USP37: variants seen among roughly 807,000 people sequenced by gnomAD.
The protein encoded by USP37 is ubiquitin specific peptidase 37, also known as ubiquitin carboxyl-terminal hydrolase 37.
A neutral mutation model predicts 124.0 loss-of-function variants in USP37; 27 were observed. The observed-to-expected ratio is 0.22, with a 90% CI of 0.16 to 0.30. The LOEUF (loss-of-function observed/expected upper bound fraction) is 0.30, where lower values mean the gene tolerates loss of function less well. Among genes scored for constraint, USP37 ranks in the 10% least tolerant of loss-of-function variants. The pLI is 1.00. For synonymous variants in USP37, 365 were observed against 388.0 expected (o/e 0.94, Z 0.70); for missense variants, 889 against 1,140.4 (o/e 0.78, Z 3.17).
Position 218,468,652 on chromosome 2 carries a change from T to C in USP37, c.2300-2476A>G, listed in dbSNP as rs80009116. On this transcript the variant is annotated intron_variant, in intron 20 of 25. Coordinates refer to ENST00000258399, the MANE Select transcript of USP37 (RefSeq NM_020935.3). The stretch of plus-strand genomic sequence containing the variant: ...TATACTCATGCTATACATACTGTTA[T>C]TGAGTTTGTATACGCTCTTTACCTG... Among the ~76,000 whole-genome samples, 542 of 152,312 alleles carry C rather than the reference T, an allele frequency of 3.6e-3. 1 individual carries two copies. The highest frequency in any genetic ancestry group is 0.01 in the South Asian group (49 of 4,832).
chr2:218,491,995 T>TGTC (rs1688808157), intron 14 of USP37, among the ~76,000 whole-genome samples: 1 of 152,060 alleles, frequency 6.6e-6, no homozygotes, highest in Non-Finnish European at 1.5e-5. Context: ...AGCCCACAAG[T>TGTC]GTCAGACCAG....
chr2:218,544,303 T>G (rs1472950939), intron 8 of USP37, among the ~76,000 whole-genome samples: 3 of 147,896 alleles, frequency 2.0e-5, no homozygotes, highest in Non-Finnish European at 4.4e-5. Context: ...CAACCTTGCT[T>G]GAACCTGGGA....
At chr2:218,561,155 T>C (rs1480709911) in intron 2 of USP37, among the ~76,000 whole-genome samples, 1 of 152,198 alleles carries the variant, frequency 6.6e-6, no homozygotes, top group Non-Finnish European at 1.5e-5. Flanking sequence ...TGTATATCTG[T>C]AATACTTTTT....
chr2:218,467,497 C>T (rs542344964), intron 20 of USP37, among the ~76,000 whole-genome samples: 3 of 152,198 alleles, frequency 2.0e-5, no homozygotes, highest in South Asian at 4.1e-4. Flanking sequence ...TACAGGTGCA[C>T]GCCACCACGC....
intron 8 of USP37, among the ~76,000 whole-genome samples, chr2:218,537,003 G>A (rs552882): frequency 0.61 from 92,092 of 151,998 alleles, 28,104 homozygotes; most frequent in East Asian, 0.78. Context: ...ACAATAGATC[G>A]TATTGGGGTA....
At chr2:218,459,741 A>C in intron 23 of USP37, 49 bp downstream of exon 23, 3 of 1,519,092 alleles carry the variant, frequency 2.0e-6, no homozygotes, top group Non-Finnish European at 2.7e-6. Context: ...AAGAGTGGGA[A>C]GAGTGACACT....
intron 13 of USP37, among the ~76,000 whole-genome samples, chr2:218,496,374 G>A (rs982940546): frequency 4.6e-5 from 7 of 151,992 alleles, no homozygotes; most frequent in African/African-American, 1.7e-4. Flanking sequence ...TTTATACAGT[G>A]AAAACCCTTG....
intron 10 of USP37, among the ~76,000 whole-genome samples, chr2:218,518,955 A>T (rs377370265): frequency 6.6e-6 from 1 of 152,208 alleles, no homozygotes; most frequent in Non-Finnish European, 1.5e-5. Context: ...GGTTATCTTA[A>T]TCTTACCAAA....
At chr2:218,480,320 A>C (rs1691194840) in intron 17 of USP37, among the ~76,000 whole-genome samples, 1 of 149,134 alleles carries the variant, frequency 6.7e-6, no homozygotes, top group Non-Finnish European at 1.5e-5. Context: ...GAATGGCGTG[A>C]AGCCGGGAGG....
At chr2:218,522,712 C>A (rs938274802) in intron 10 of USP37, among the ~76,000 whole-genome samples, 4 of 151,686 alleles carry the variant, frequency 2.6e-5, no homozygotes, top group Admixed American at 2.6e-4. Context: ...TTACTTAGGT[C>A]TTCCATTATG....
chr2:218,458,254 A>T (rs1392062537), intron 23 of USP37, among the ~76,000 whole-genome samples: 2 of 24,568 alleles, frequency 8.1e-5, no homozygotes, highest in Non-Finnish European at 2.1e-4. Flanking sequence ...GACCTTGCCT[A>T]AAAAAAAAAA....
chr2:218,530,194 T>C (rs891115223), intron 9 of USP37, among the ~76,000 whole-genome samples, 154 bp from the exon 10 acceptor site: 2 of 152,250 alleles, frequency 1.3e-5, no homozygotes, highest in Non-Finnish European at 2.9e-5. Flanking sequence ...CTTTGCTTTA[T>C]TGTGCCTCAC....
intron 10 of USP37, among the ~76,000 whole-genome samples, chr2:218,519,191 TG>T (rs1559202636): frequency 1.3e-5 from 2 of 152,144 alleles, no homozygotes; most frequent in African/African-American, 4.8e-5. Flanking sequence ...TGTGAAAAAA[TG>T]TACATCTAAG....
intron 10 of USP37, among the ~76,000 whole-genome samples, chr2:218,523,203 C>T (rs1160779853): frequency 6.6e-6 from 1 of 151,722 alleles, no homozygotes; most frequent in Non-Finnish European, 1.5e-5. Flanking sequence ...GCGGAGGTTG[C>T]AGTGAGCCAG....
chr2:218,496,312 CCAA>C (rs142229624), intron 13 of USP37, among the ~76,000 whole-genome samples: 6,276 of 151,454 alleles, frequency 0.041, 371 homozygotes, highest in African/African-American at 0.13. Flanking sequence ...GAAAAAAAAA[CCAA>C]CAACAAAAAA....
intron 20 of USP37, among the ~76,000 whole-genome samples, chr2:218,468,231 T>C (rs934039317): frequency 6.7e-6 from 1 of 150,222 alleles, no homozygotes; most frequent in African/African-American, 2.5e-5. Flanking sequence ...TGAGATGGAG[T>C]TTCGCTCTTG....
intron 14 of USP37, among the ~76,000 whole-genome samples, chr2:218,495,219 G>A (rs923493449): frequency 2.6e-5 from 4 of 152,136 alleles, no homozygotes; most frequent in Admixed American, 6.5e-5. Context: ...ATGGCTTACT[G>A]CAGCCTCAAC....
intron 3 of USP37, among the ~76,000 whole-genome samples, chr2:218,559,331 A>G (rs1196995772): frequency 3.3e-5 from 5 of 152,160 alleles, no homozygotes. Context: ...AAAACAATAC[A>G]AAATTCAGGC....
chr2:218,457,022 G>A, intron 24 of USP37, 70 bp downstream of exon 24: 1 of 1,434,946 alleles, frequency 7.0e-7, no homozygotes, highest in Non-Finnish European at 9.7e-7. Context: ...GCTAGGCAAA[G>A]AGCAATATAA....
Sources: allele counts gnomAD v4.1 joint callset (sites outside exome capture counted in the v4.1 genomes callset), GRCh38; gene constraint gnomAD v4.1.1; transcripts MANE v1.5; gene names NCBI Gene and HGNC (gene_info 2026-07-23, HGNC 2026-07-21).